FAM171A1: variants seen among roughly 807,000 people sequenced by gnomAD.
FAM171A1 encodes the protein family with sequence similarity 171 member A1, also known as protein FAM171A1.
In FAM171A1, 23 loss-of-function variants were observed where a neutral mutation model predicts 74.9. The observed-to-expected ratio is 0.31, with a 90% CI of 0.22 to 0.44. The LOEUF is 0.44. Among genes scored for constraint, FAM171A1 ranks in the 20% least tolerant of loss-of-function variants. The pLI, the probability that FAM171A1 is intolerant of heterozygous loss-of-function variation, is 1.00. For missense variants in FAM171A1, 1,162 were observed against 1,159.2 expected, an observed-to-expected ratio of 1.00 and a Z score of -0.03; for synonymous variants, 527 against 505.7, an observed-to-expected ratio of 1.04 and a Z score of -0.57.
chr10:15,228,525 G>A (rs1834139246), intron 5 of FAM171A1, among the ~76,000 whole-genome samples: 1 of 151,786 alleles, frequency 6.6e-6, no homozygotes, highest in Non-Finnish European at 1.5e-5. Flanking sequence ...GTATTTTTTA[G>A]TAGAGATGGG....
At chr10:15,260,338 A>G (rs1834639763) in intron 3 of FAM171A1, among the ~76,000 whole-genome samples, 2 of 152,198 alleles carry the variant, frequency 1.3e-5, no homozygotes, top group Non-Finnish European at 2.9e-5. Context: ...TGCCTAATCA[A>G]GAGCATCATG....
chr10:15,233,956 C>T (rs2131736525), intron 5 of FAM171A1, among the ~76,000 whole-genome samples: 1 of 150,822 alleles, frequency 6.6e-6, no homozygotes, highest in Non-Finnish European at 1.5e-5. Flanking sequence ...CTGGAGTGTA[C>T]TAGGTGCTTT....
chr10:15,363,896 C>T (rs1172393627), intron 1 of FAM171A1, among the ~76,000 whole-genome samples: 2 of 152,208 alleles, frequency 1.3e-5, no homozygotes, highest in African/African-American at 2.4e-5. Flanking sequence ...AGCGCTCCTC[C>T]CTCATCAGCA....
At chr10:15,266,865 TCAAA>T (rs1834749583) in intron 3 of FAM171A1, among the ~76,000 whole-genome samples, 1 of 117,674 alleles carries the variant, frequency 8.5e-6, no homozygotes, top group African/African-American at 3.3e-5. Flanking sequence ...TGAGACTGTT[TCAAA>T]AAAAAAAAAA....
chr10:15,313,385 A>G (rs888414232), intron 1 of FAM171A1, among the ~76,000 whole-genome samples: 2 of 152,132 alleles, frequency 1.3e-5, no homozygotes, highest in African/African-American at 4.8e-5. Context: ...TCTTTCCTTG[A>G]GCTAAAATTT....
intron 2 of FAM171A1, among the ~76,000 whole-genome samples, chr10:15,279,745 C>G (rs970609426): frequency 6.6e-6 from 1 of 151,962 alleles, no homozygotes; most frequent in Non-Finnish European, 1.5e-5. Context: ...TGGTGAAACC[C>G]CATCTCTACT....
intron 1 of FAM171A1, among the ~76,000 whole-genome samples, chr10:15,338,642 C>T (rs1276349698): frequency 1.3e-5 from 2 of 152,212 alleles, no homozygotes; most frequent in African/African-American, 2.4e-5. Context: ...TTTTAGCTAA[C>T]AAGCAACACA....
At chr10:15,306,549 A>C (rs953258968) in intron 1 of FAM171A1, among the ~76,000 whole-genome samples, 1 of 152,082 alleles carries the variant, frequency 6.6e-6, no homozygotes, top group Non-Finnish European at 1.5e-5. Context: ...TATTTTTAGT[A>C]TAGACGGGGT....
chr10:15,244,753 G>T (rs1396210520), intron 5 of FAM171A1, among the ~76,000 whole-genome samples: 1 of 152,052 alleles, frequency 6.6e-6, no homozygotes, highest in African/African-American at 2.4e-5. Context: ...GGGAGTAACA[G>T]GTCCCCGCAC....
chr10:15,339,470 G>A (rs1294675098), intron 1 of FAM171A1, among the ~76,000 whole-genome samples: 1 of 152,122 alleles, frequency 6.6e-6, no homozygotes, highest in Non-Finnish European at 1.5e-5. Context: ...CGCTGCTCAG[G>A]TAGTTTGCAG....
At chr10:15,233,461 C>A (rs1834235304) in intron 5 of FAM171A1, among the ~76,000 whole-genome samples, 1 of 151,502 alleles carries the variant, frequency 6.6e-6, no homozygotes, top group African/African-American at 2.4e-5. Context: ...CAGGGACAAG[C>A]CAGACACTTC....
chr10:15,283,791 C>A, intron 2 of FAM171A1, 87 bp downstream of exon 2: 1 of 1,342,642 alleles, frequency 7.4e-7, no homozygotes, highest in Non-Finnish European at 1.1e-6. Flanking sequence ...CACTATGTTG[C>A]CCAAGCTGGT....
chr10:15,227,620 A>G (rs575328431), intron 5 of FAM171A1, among the ~76,000 whole-genome samples: 58 of 152,258 alleles, frequency 3.8e-4, no homozygotes, highest in Admixed American at 2.7e-3. Context: ...GACCCAAGTG[A>G]TCCTCCTGCC....
intron 5 of FAM171A1, chr10:15,241,600 C>T (rs1196460013): frequency 6.6e-6 from 1 of 152,068 alleles, no homozygotes; most frequent in Non-Finnish European, 1.5e-5. Flanking sequence ...ATTCATTTCC[C>T]CCATATTTAT....
chr10:15,336,668 T>C (rs1835704334), intron 1 of FAM171A1, among the ~76,000 whole-genome samples: 1 of 152,172 alleles, frequency 6.6e-6, no homozygotes, highest in South Asian at 2.1e-4. Flanking sequence ...CCAACTATTA[T>C]TTTCAGTTCC....
At chr10:15,242,615 T>C (rs1024522951) in intron 5 of FAM171A1, among the ~76,000 whole-genome samples, 1 of 152,146 alleles carries the variant, frequency 6.6e-6, no homozygotes, top group African/African-American at 2.4e-5. Flanking sequence ...AGACCTTGTG[T>C]CTACGGAAAA....
intron 1 of FAM171A1, among the ~76,000 whole-genome samples, chr10:15,313,983 G>A (rs950032890): frequency 3.3e-5 from 5 of 152,206 alleles, no homozygotes; most frequent in South Asian, 2.1e-4. Flanking sequence ...AGGCAACGAC[G>A]GGATCTGGCC....
chr10:15,275,829 A>C (rs770289938), intron 3 of FAM171A1, 26 bp downstream of exon 3: 19 of 1,465,212 alleles, frequency 1.3e-5, no homozygotes, highest in Non-Finnish European at 1.8e-5. Context: ...AATAACAATA[A>C]AAACTGAAAA....
At chr10:15,329,051 C>G (rs1321920321) in intron 1 of FAM171A1, among the ~76,000 whole-genome samples, 2 of 152,194 alleles carry the variant, frequency 1.3e-5, no homozygotes, top group African/African-American at 4.8e-5. Context: ...CAGTGGGTCA[C>G]TGCTGCTGAC....
Sources: allele counts gnomAD v4.1 joint callset (sites outside exome capture counted in the v4.1 genomes callset), GRCh38; gene constraint gnomAD v4.1.1; transcripts MANE v1.5; gene names NCBI Gene and HGNC (gene_info 2026-07-23, HGNC 2026-07-21).